CHD7: variants seen among roughly 807,000 people sequenced by gnomAD.
CHD7 encodes ATP-dependent chromatin remodeler CHD7.
Under a neutral mutation model 307.3 loss-of-function variants are expected in CHD7, and 24 were observed. The ratio of observed to expected loss-of-function variants is 0.08; its 90% confidence interval spans 0.06 to 0.11. The LOEUF is 0.11. Among genes scored for constraint, CHD7 ranks in the 10% least tolerant of loss-of-function variants. The pLI is 1.00. For missense variants in CHD7, 3,106 were observed against 3,727.1 expected, an observed-to-expected ratio of 0.83 and a Z score of 4.34; for synonymous variants, 1,363 against 1,349.9, an observed-to-expected ratio of 1.01 and a Z score of -0.21.
intron 1 of CHD7, among the ~76,000 whole-genome samples, chr8:60,737,084 T>C (rs965820023): frequency 2.1e-4 from 32 of 152,138 alleles, no homozygotes; most frequent in Admixed American, 1.8e-3. Flanking sequence ...CAGTGACATT[T>C]CTTTCATCTT....
Position 60,816,470 on chromosome 8 carries a change from C to T in CHD7, c.2582C>T (p.Ala861Val). ...CAGCAAAAAATTAAACGATTTAAGG[C>T]AAAGCAGGGCCAGAACAAGTTCCTT... ...RIQQKIKRFKAKQGQNKFLSE... is the reference protein window; with the variant it reads ...RIQQKIKRFKVKQGQNKFLSE... The change falls in exon 8 of 38, where the codon GCA becomes GTA. Residue 861 changes from alanine to valine, a missense_variant. Coordinates refer to ENST00000423902, the MANE Select transcript of CHD7 (RefSeq NM_017780.4). 1.2e-6 allele frequency: 2 copies of T among 1,607,706 alleles called. No homozygotes were observed. Among genetic ancestry groups the T allele is most frequent in the Non-Finnish European group, 1.7e-6 (2 of 1,176,304 alleles).
In CHD7 at chr8:60,742,950, A is replaced by G. The variant is rs1264035840; in HGVS notation, c.1518A>G (p.Pro506=). The G allele has an allele frequency of 6.8e-6, 11 of 1,613,414 alleles. No individual in the cohort carries two copies. Among genetic ancestry groups the G allele is most frequent in the Middle Eastern group, 1.6e-4 (1 of 6,084 alleles). Residue 506 remains proline (P), a synonymous_variant, in exon 2 of 38, where the codon CCA becomes CCG. Coordinates refer to ENST00000423902, the MANE Select transcript of CHD7 (RefSeq NM_017780.4). The part of the protein sequence containing the change: ...IPGQQHPGQQ[P]SFQQLPTCPP... ...GCCAACAACATCCTGGTCAACAGCC[A>G]TCTTTTCAGCAGTTGCCAACCTGTC...
intron 8 of CHD7, among the ~76,000 whole-genome samples, chr8:60,818,271 A>C (rs1220538782): frequency 6.6e-6 from 1 of 152,244 alleles, no homozygotes; most frequent in African/African-American, 2.4e-5. Context: ...AGCCTGCTGC[A>C]ACTAAAAATG....
In CHD7 at chr8:60,848,618, C is replaced by T. The variant is rs1419036175; in HGVS notation, c.5300+14C>T. The T allele has an allele frequency of 6.3e-7, 1 of 1,597,366 alleles. No homozygotes were observed. Among genetic ancestry groups the T allele is most frequent in the Non-Finnish European group, 8.6e-7 (1 of 1,166,046 alleles). The stretch of plus-strand genomic sequence containing the variant: ...TGCTGACTCAAGGTTAGTGCGAGCT[C>T]ACATTTGTTCTCAACCTCAGTGAGA... On this transcript the variant is annotated intron_variant, in intron 24 of 37. Coordinates refer to ENST00000423902, the MANE Select transcript of CHD7 (RefSeq NM_017780.4).
intron 1 of CHD7, among the ~76,000 whole-genome samples, chr8:60,704,999 C>G (rs778543199): frequency 6.6e-6 from 1 of 152,186 alleles, no homozygotes; most frequent in Non-Finnish European, 1.5e-5. Context: ...TTCTAGCTTT[C>G]TTTCTCACCT....
intron 6 of CHD7, among the ~76,000 whole-genome samples, chr8:60,805,112 T>G (rs1812478832): frequency 6.6e-6 from 1 of 152,140 alleles, no homozygotes; most frequent in Admixed American, 6.5e-5. Flanking sequence ...AAAATAGGGC[T>G]TAGAGGTGAG....
chr8:60,823,394 TATAGATAGATAGATAGATAGATAG>T (rs34150494), intron 12 of CHD7, among the ~76,000 whole-genome samples: 1 of 145,448 alleles, frequency 6.9e-6, no homozygotes, highest in African/African-American at 2.7e-5. Flanking sequence ...TTTTGCTATA[TATAGATAGATAGATAGATAGATAG>T]ATAGATAGAT....
chr8:60,857,978 G>A (rs769404986), intron 34 of CHD7, among the ~76,000 whole-genome samples: 7 of 152,192 alleles, frequency 4.6e-5, no homozygotes, highest in Admixed American at 6.5e-5. Flanking sequence ...AAATTGGGCC[G>A]GGCATGGTGG....
intron 1 of CHD7, among the ~76,000 whole-genome samples, chr8:60,680,699 G>A (rs1054270633): frequency 3.9e-5 from 6 of 152,130 alleles, no homozygotes; most frequent in African/African-American, 1.4e-4. Context: ...GTTTAAACTA[G>A]TTTTTTTCCC....
chr8:60,773,470 A>G (rs938438165), intron 2 of CHD7, among the ~76,000 whole-genome samples: 3 of 152,220 alleles, frequency 2.0e-5, no homozygotes, highest in African/African-American at 7.2e-5. Flanking sequence ...AGCATGTTCA[A>G]TTTAGCATTA....
At chr8:60,859,193 C>T (rs1805850792) in intron 34 of CHD7, among the ~76,000 whole-genome samples, 1 of 151,364 alleles carries the variant, frequency 6.6e-6, no homozygotes, top group Non-Finnish European at 1.5e-5. Context: ...TTGGTGTTGT[C>T]GGGGGTGATG....
chr8:60,856,735 C>T lies in CHD7; in HGVS notation c.7455C>T (p.Leu2485=), dbSNP rs1346904265. Residue 2485 remains leucine (L), a synonymous_variant, in exon 34 of 38, where the codon CTC becomes CTT. Transcript: ENST00000423902. ...CCTTTAAGACTCAAATGGAACTGCT[C>T]CAAGCAGGCCTTTCGCGCACACCCA... is the stretch of plus-strand genomic sequence containing the variant. ...SDAFKTQMEL[L]QAGLSRTPTR... 6.2e-7 allele frequency: 1 copy of T among 1,613,926 alleles called. No individual in the cohort carries two copies. Among genetic ancestry groups the T allele is most frequent in the Non-Finnish European group, 8.5e-7 (1 of 1,179,906 alleles).
intron 14 of CHD7, among the ~76,000 whole-genome samples, chr8:60,829,557 C>T (rs1444524406): frequency 6.6e-6 from 1 of 152,094 alleles, no homozygotes; most frequent in African/African-American, 2.4e-5. Flanking sequence ...GCCAAGATTG[C>T]ACCACTGCAC....
intron 2 of CHD7, among the ~76,000 whole-genome samples, chr8:60,749,199 T>C (rs7834076): frequency 0.77 from 116,981 of 151,116 alleles, 45,552 homozygotes; most frequent in East Asian, 0.94. Context: ...AGTGAAACCC[T>C]GTCTCTACTA....
At chr8:60,727,381 G>A (rs1223757957) in intron 1 of CHD7, among the ~76,000 whole-genome samples, 2 of 152,092 alleles carry the variant, frequency 1.3e-5, no homozygotes, top group African/African-American at 4.8e-5. Context: ...CCCCCACCTT[G>A]GCCTCCCAAA....
chr8:60,851,392 G>A, intron 28 of CHD7, 73 bp downstream of exon 28: 1 of 1,138,322 alleles, frequency 8.8e-7, no homozygotes, highest in Non-Finnish European at 1.3e-6. Flanking sequence ...GGTAGGGACT[G>A]TCCTGCTTCA....
At chr8:60,845,563 G>T (rs539286836) in intron 23 of CHD7, among the ~76,000 whole-genome samples, 154 bp downstream of exon 23, 1 of 152,292 alleles carries the variant, frequency 6.6e-6, no homozygotes, top group Admixed American at 6.5e-5. Flanking sequence ...GGTGTCTGAG[G>T]GGGGTCCTGG....
At chr8:60,719,637 C>T (rs13264416) in intron 1 of CHD7, among the ~76,000 whole-genome samples, 73,087 of 152,004 alleles carry the variant, frequency 0.48, 21,544 homozygotes, top group East Asian at 0.74. Context: ...GTGTACAAAG[C>T]ACATTCTGCA....
chr8:60,830,944 G>A (rs1299644512), intron 15 of CHD7, among the ~76,000 whole-genome samples: 1 of 152,164 alleles, frequency 6.6e-6, no homozygotes, highest in African/African-American at 2.4e-5. Context: ...ATGTTAAAGA[G>A]GAACTTAGGT....
Sources: allele counts gnomAD v4.1 joint callset (sites outside exome capture counted in the v4.1 genomes callset), GRCh38; gene constraint gnomAD v4.1.1; transcripts MANE v1.5; gene names NCBI Gene and HGNC (gene_info 2026-07-23, HGNC 2026-07-21).